RGS7BP: variants seen among roughly 807,000 people sequenced by gnomAD.
RGS7BP encodes the protein regulator of G protein signaling 7-binding protein.
In RGS7BP, 9 loss-of-function variants were observed where a neutral mutation model predicts 31.3. The observed-to-expected ratio is 0.29, with a 90% CI of 0.17 to 0.50. The LOEUF is 0.50. RGS7BP is among the 20% of genes least tolerant of loss of function. The pLI, the probability that RGS7BP is intolerant of heterozygous loss-of-function variation, is 0.98. For missense variants in RGS7BP, 274 were observed against 322.0 expected (o/e 0.85, Z 1.14); for synonymous variants, 115 against 120.1 (o/e 0.96, Z 0.28).
chr5:64,559,161 T>G (rs932963317), intron 2 of RGS7BP, among the ~76,000 whole-genome samples: 11 of 152,146 alleles, frequency 7.2e-5, no homozygotes, highest in African/African-American at 2.7e-4. Context: ...AGTAAAAACT[T>G]GCTACTTTTA....
chr5:64,552,795 T>G (rs1322665639), intron 2 of RGS7BP, among the ~76,000 whole-genome samples: 1 of 152,216 alleles, frequency 6.6e-6, no homozygotes, highest in Non-Finnish European at 1.5e-5. Flanking sequence ...CAGGCTGGTC[T>G]CAAACTCCTG....
chr5:64,569,298 AAAC>A (rs1018371324), intron 2 of RGS7BP, among the ~76,000 whole-genome samples: 4 of 152,244 alleles, frequency 2.6e-5, no homozygotes, highest in East Asian at 3.9e-4. Context: ...GAACAAAAAA[AAAC>A]AACAACACAC....
chr5:64,512,775 TG>T (rs1447339077), intron 2 of RGS7BP, among the ~76,000 whole-genome samples: 9 of 152,226 alleles, frequency 5.9e-5, no homozygotes, highest in Admixed American at 2.0e-4. Flanking sequence ...ATTTTCTAGG[TG>T]GAAGTTTCCC....
intron 2 of RGS7BP, chr5:64,539,886 T>TAAAC (rs1379994519): frequency 2.0e-5 from 3 of 152,198 alleles, no homozygotes; most frequent in African/African-American, 7.2e-5. Context: ...GATATGTAGG[T>TAAAC]TAAGTTCATA....
At chr5:64,509,313 GA>G (rs1748770142) in intron 2 of RGS7BP, among the ~76,000 whole-genome samples, 1 of 152,200 alleles carries the variant, frequency 6.6e-6, no homozygotes, top group South Asian at 2.1e-4. Flanking sequence ...CAAGGCTAAG[GA>G]GTAGCAACTC....
chr5:64,590,695 G>T (rs891145097), intron 3 of RGS7BP, among the ~76,000 whole-genome samples: 9 of 152,102 alleles, frequency 5.9e-5, no homozygotes, highest in African/African-American at 1.7e-4. Flanking sequence ...AAAAATGTCA[G>T]TGGAAAAAGT....
At chr5:64,530,696 C>G (rs889838513) in intron 2 of RGS7BP, among the ~76,000 whole-genome samples, 1 of 151,952 alleles carries the variant, frequency 6.6e-6, no homozygotes, top group Admixed American at 6.6e-5. Context: ...TTACTTATAA[C>G]TGCCAAGAAT....
intron 5 of RGS7BP, among the ~76,000 whole-genome samples, chr5:64,605,336 A>G (rs1413587738): frequency 6.6e-6 from 1 of 152,174 alleles, no homozygotes; most frequent in Non-Finnish European, 1.5e-5. Flanking sequence ...GAGTGGGGAA[A>G]CATTCCCTTT....
chr5:64,518,353 T>TGTG lies in RGS7BP; in HGVS notation c.332+10487_332+10489dup, dbSNP rs570515593. Among the ~76,000 whole-genome samples, 44 of 147,220 alleles carry TGTG rather than the reference T, an allele frequency of 3.0e-4. No homozygotes were observed. The East Asian group carries it at 6.4e-3, about 22-fold the overall frequency. On this transcript the variant is annotated intron_variant, in intron 2 of 5. Coordinates refer to ENST00000334025, the MANE Select transcript of RGS7BP (RefSeq NM_001029875.3). ...ATAAAGTCCTTGTATTCATGGTGTG[T>TGTG]GTGGTGGTGGTGGCGGGGGTGGGGC...
chr5:64,597,374 G>A (rs955609728), intron 4 of RGS7BP, among the ~76,000 whole-genome samples: 1 of 151,942 alleles, frequency 6.6e-6, no homozygotes, highest in African/African-American at 2.4e-5. Flanking sequence ...TGGGAGGACG[G>A]TCCATGCTAA....
At chr5:64,554,645 A>G (rs1287149225) in intron 2 of RGS7BP, among the ~76,000 whole-genome samples, 1 of 152,210 alleles carries the variant, frequency 6.6e-6, no homozygotes, top group African/African-American at 2.4e-5. Context: ...TGAATATGAG[A>G]TCACAAGTTA....
intron 2 of RGS7BP, among the ~76,000 whole-genome samples, chr5:64,572,969 T>G (rs1285319439): frequency 1.8e-5 from 1 of 55,204 alleles, no homozygotes; most frequent in Non-Finnish European, 3.3e-5. Context: ...CCCTCCCCCC[T>G]CCCCCCACCC....
chr5:64,538,067 A>G (rs1005856411), intron 2 of RGS7BP, among the ~76,000 whole-genome samples: 17 of 152,166 alleles, frequency 1.1e-4, no homozygotes, highest in Non-Finnish European at 2.2e-4. Flanking sequence ...AAGTTGATAA[A>G]CCTAAGAAGT....
At chr5:64,508,301 C>A (rs1372467557) in intron 2 of RGS7BP, among the ~76,000 whole-genome samples, 1 of 152,048 alleles carries the variant, frequency 6.6e-6, no homozygotes, top group Non-Finnish European at 1.5e-5. Context: ...ACTATTTATA[C>A]CATGAGATAA....
chr5:64,516,335 G>A (rs529465832), intron 2 of RGS7BP, among the ~76,000 whole-genome samples: 26 of 152,220 alleles, frequency 1.7e-4, no homozygotes, highest in Admixed American at 1.5e-3. Flanking sequence ...ACCAAGTCCT[G>A]TAGTGCTTTA....
At chr5:64,546,428 G>T (rs1470674574) in intron 2 of RGS7BP, among the ~76,000 whole-genome samples, 3 of 152,120 alleles carry the variant, frequency 2.0e-5, no homozygotes, top group African/African-American at 7.2e-5. Flanking sequence ...ATTTCAAGGA[G>T]GAGCAAGAGA....
At chr5:64,589,153 G>C in intron 3 of RGS7BP, among the ~76,000 whole-genome samples, 1 of 151,828 alleles carries the variant, frequency 6.6e-6, no homozygotes, top group Non-Finnish European at 1.5e-5. Flanking sequence ...AAAAAATTCC[G>C]GGCATGGTGG....
At chr5:64,559,465 A>G (rs1742001665) in intron 2 of RGS7BP, among the ~76,000 whole-genome samples, 1 of 152,154 alleles carries the variant, frequency 6.6e-6, no homozygotes. Flanking sequence ...TGGCATGTCA[A>G]CATTATTACT....
intron 4 of RGS7BP, among the ~76,000 whole-genome samples, chr5:64,596,501 G>A (rs1484660662): frequency 2.0e-5 from 3 of 152,126 alleles, no homozygotes; most frequent in Admixed American, 2.0e-4. Context: ...TTTATTAGAG[G>A]AGACAGTGCC....
Sources: allele counts gnomAD v4.1 joint callset (sites outside exome capture counted in the v4.1 genomes callset), GRCh38; gene constraint gnomAD v4.1.1; transcripts MANE v1.5; gene names NCBI Gene and HGNC (gene_info 2026-07-23, HGNC 2026-07-21).